DTNA: variants seen among roughly 807,000 people sequenced by gnomAD.
DTNA encodes the protein dystrophin-related protein 3.
Under a neutral mutation model 100.7 loss-of-function variants are expected in DTNA, and 43 were observed. That is an observed-to-expected ratio of 0.43 (90% CI 0.33 to 0.55). DTNA has a LOEUF of 0.55. Among genes scored for constraint, DTNA ranks in the 20% least tolerant of loss-of-function variants. DTNA has a pLI of 0.04. For missense variants in DTNA, 798 were observed against 953.9 expected, an observed-to-expected ratio of 0.84 and a Z score of 2.15; for synonymous variants, 349 against 347.9, an observed-to-expected ratio of 1.00 and a Z score of -0.04.
chr18:34,774,374 G>T (rs888032005), intron 3 of DTNA, among the ~76,000 whole-genome samples: 1 of 152,204 alleles, frequency 6.6e-6, no homozygotes, highest in Non-Finnish European at 1.5e-5. Flanking sequence ...TAAGAAAACA[G>T]AAGTCAGTCG....
In DTNA at chr18:34,815,995, A is replaced by G; in HGVS notation, c.690A>G (p.Arg230=). Residue 230 remains arginine (R), a synonymous_variant, in exon 7 of 23, where the codon CGA becomes CGG. Coordinates refer to ENST00000444659, the MANE Select transcript of DTNA (RefSeq NM_001386795.1). ...TGGTCTGGTTGCCTCTTCTGCATCG[A>G]CTAGCAAATGTGGAAAATGGTGAGT... The part of the protein sequence containing the change: ...QCLVWLPLLH[R]LANVENVFHP... The G allele has an allele frequency of 6.2e-7, 1 of 1,613,762 alleles. No individual in the cohort carries two copies. The highest frequency in any genetic ancestry group is 1.3e-5 in the African/African-American group (1 of 75,016).
intron 1 of DTNA, among the ~76,000 whole-genome samples, chr18:34,745,353 T>C (rs1303982130): frequency 6.6e-6 from 1 of 152,286 alleles, no homozygotes; most frequent in African/African-American, 2.4e-5. Context: ...GAAGCCCAGA[T>C]CACAATTAGC....
chr18:34,667,290 C>T (rs1161270811), intron 1 of DTNA, among the ~76,000 whole-genome samples: 1 of 152,202 alleles, frequency 6.6e-6, no homozygotes, highest in Non-Finnish European at 1.5e-5. Context: ...TGAGACTTTG[C>T]TGAAGTTGCT....
At chr18:34,595,177 A>G (rs1383728749) in intron 1 of DTNA, among the ~76,000 whole-genome samples, 2 of 152,252 alleles carry the variant, frequency 1.3e-5, no homozygotes, top group African/African-American at 2.4e-5. Flanking sequence ...ATGGTTGACA[A>G]TAAGAATGAA....
chr18:34,499,943 A>G (rs989058066), intron 1 of DTNA, among the ~76,000 whole-genome samples: 1 of 152,314 alleles, frequency 6.6e-6, no homozygotes, highest in African/African-American at 2.4e-5. Context: ...TTGGAAACAT[A>G]TTACATAGTT....
At chr18:34,575,908 A>G (rs1273721037) in intron 1 of DTNA, among the ~76,000 whole-genome samples, 1 of 152,228 alleles carries the variant, frequency 6.6e-6, no homozygotes, top group Non-Finnish European at 1.5e-5. Context: ...AGCATTTCAA[A>G]CAACTTTATT....
intron 1 of DTNA, among the ~76,000 whole-genome samples, chr18:34,734,925 C>G (rs2089212740): frequency 6.6e-6 from 1 of 152,240 alleles, no homozygotes; most frequent in African/African-American, 2.4e-5. Context: ...GCAGCCAACT[C>G]CAGAAGCCTC....
chr18:34,827,681 G>A lies in DTNA; in HGVS notation c.1085+5G>A. ...AAGTCCTTTTATTACCAGGAGGTAA[G>A]TTCCAACCCTATTATAAAATAAGCC... On this transcript the variant is annotated splice_donor_5th_base_variant and intron_variant, in intron 10 of 22. Coordinates refer to ENST00000444659, the MANE Select transcript of DTNA (RefSeq NM_001386795.1). 6.2e-7 allele frequency: 1 copy of A among 1,612,816 alleles called. No homozygotes were observed. Among genetic ancestry groups the A allele is most frequent in the Non-Finnish European group, 8.5e-7 (1 of 1,178,834 alleles).
chr18:34,527,434 A>G (rs1471340267), intron 1 of DTNA, among the ~76,000 whole-genome samples: 2 of 152,024 alleles, frequency 1.3e-5, no homozygotes, highest in African/African-American at 4.8e-5. Context: ...TTAATAGTAG[A>G]CATTCCAGAT....
In DTNA at chr18:34,888,828, G is replaced by A. The variant is rs1208294533; in HGVS notation, c.*1094G>A. ...GGAGGCCTTCAGCTTTAAATGTACA[G>A]GCTTAAAGTGCGCTTGCAAACGTTT... is the stretch of plus-strand genomic sequence containing the variant. On this transcript the variant is annotated 3_prime_UTR_variant, in exon 23 of 23. Coordinates refer to ENST00000444659, the MANE Select transcript of DTNA (RefSeq NM_001386795.1). The A allele has an allele frequency of 1.0e-6, 1 of 985,760 alleles. No homozygotes were observed. Among genetic ancestry groups the A allele is most frequent in the Non-Finnish European group, 1.2e-6 (1 of 829,964 alleles). 61.1% of individuals were successfully genotyped at this position (985,760 alleles called of 1,614,324 possible). A position where few individuals can be genotyped will look rare whatever the true frequency, so the allele number is the denominator to read the frequency against.
At chr18:34,611,969 G>A (rs981902454) in intron 1 of DTNA, among the ~76,000 whole-genome samples, 8 of 152,224 alleles carry the variant, frequency 5.3e-5, no homozygotes, top group Non-Finnish European at 1.0e-4. Context: ...CTCATTGATG[G>A]CTGTCCACCT....
intron 1 of DTNA, among the ~76,000 whole-genome samples, chr18:34,601,485 C>T (rs1567989129): frequency 6.6e-6 from 1 of 152,134 alleles, no homozygotes; most frequent in East Asian, 1.9e-4. Context: ...GTCCCTCCTC[C>T]TACCTCACCA....
At chr18:34,498,009 G>T (rs1171396697) in intron 1 of DTNA, among the ~76,000 whole-genome samples, 1 of 152,014 alleles carries the variant, frequency 6.6e-6, no homozygotes, top group South Asian at 2.1e-4. Flanking sequence ...GGCTGGGCAC[G>T]GTGGCTCAAG....
At chr18:34,787,804 C>T (rs1193168609) in intron 3 of DTNA, among the ~76,000 whole-genome samples, 1 of 152,122 alleles carries the variant, frequency 6.6e-6, no homozygotes, top group Non-Finnish European at 1.5e-5. Context: ...TTATAGAAAA[C>T]CATTGAAGCT....
intron 1 of DTNA, among the ~76,000 whole-genome samples, chr18:34,507,405 T>G (rs1390201133): frequency 1.3e-5 from 2 of 152,222 alleles, no homozygotes; most frequent in Non-Finnish European, 1.5e-5. Flanking sequence ...GAGCACCTCC[T>G]AGAAATTATT....
chr18:34,503,733 G>GTTT (rs139710600), intron 1 of DTNA, among the ~76,000 whole-genome samples: 26 of 148,378 alleles, frequency 1.8e-4, no homozygotes, highest in Admixed American at 8.1e-4. Context: ...GGATTTCACT[G>GTTT]TTTTTTTTTT....
At chr18:34,701,520 A>G (rs1006389699) in intron 1 of DTNA, among the ~76,000 whole-genome samples, 3 of 151,624 alleles carry the variant, frequency 2.0e-5, no homozygotes, top group Non-Finnish European at 4.4e-5. Context: ...CCCAGGACTT[A>G]AAAAAAAATT....
intron 1 of DTNA, among the ~76,000 whole-genome samples, chr18:34,701,868 C>T (rs1195013425): frequency 6.6e-6 from 1 of 152,182 alleles, no homozygotes; most frequent in East Asian, 1.9e-4. Context: ...TGTCAGCATC[C>T]AGTCCAGCAT....
intron 9 of DTNA, 61 bp from the exon 10 acceptor site, chr18:34,827,532 A>G: frequency 6.7e-7 from 1 of 1,497,912 alleles, no homozygotes; most frequent in Non-Finnish European, 9.3e-7. Context: ...GATGAGGGAG[A>G]GTTTTAAATT....
Sources: gnomAD v4.1 joint callset for allele counts (sites outside exome capture counted in the v4.1 genomes callset) on GRCh38, gnomAD v4.1.1 for gene constraint, MANE v1.5 for transcripts, NCBI Gene and HGNC (gene_info 2026-07-23, HGNC 2026-07-21) for gene names.